The following ANKRD36C variants were observed in gnomAD, a reference collection of about 807,000 sequenced individuals.
The protein encoded by ANKRD36C is ankyrin repeat domain 36C, also known as ankyrin repeat domain-containing protein 36C.
ANKRD36C carries 61 observed loss-of-function variants against 276.4 expected under a neutral mutation model. The ratio of observed to expected loss-of-function variants is 0.22; its 90% CI spans 0.18 to 0.27. The LOEUF is 0.27. Ranked by LOEUF, ANKRD36C falls within the 10% of genes least tolerant of loss-of-function variation. The probability of loss-of-function intolerance (pLI) is 1.00; values close to 1 mark genes in which losing one functional copy is unlikely to be tolerated. For missense variants in ANKRD36C, 1,447 were observed against 2,032.3 expected (o/e 0.71, Z 5.54); for synonymous variants, 483 against 680.1 (o/e 0.71, Z 4.51).
chr2:95,910,622 C>G (rs868075461), intron 42 of ANKRD36C, 54 bp from the exon 45 acceptor site: 1 of 1,600,654 alleles, frequency 6.2e-7, no homozygotes, highest in African/African-American at 1.3e-5. Flanking sequence ...ACAAAGATAT[C>G]CATACATTCA....
chr2:95,880,711 T>C, intron 56 of ANKRD36C, 88 bp from the exon 77 acceptor site: 7 of 1,452,038 alleles, frequency 4.8e-6, no homozygotes, highest in East Asian at 2.5e-5. Flanking sequence ...TCAAACTGAA[T>C]ACTCTTGCCT....
intron 58 of ANKRD36C, among the ~76,000 whole-genome samples, chr2:95,879,995 A>G (rs1043562695): frequency 1.4e-5 from 2 of 141,662 alleles, no homozygotes; most frequent in Non-Finnish European, 3.0e-5. Flanking sequence ...AGCCTGACCA[A>G]CATGGAGAAA....
chr2:95,862,935 G>A (rs1232477173), intron 60 of ANKRD36C, among the ~76,000 whole-genome samples: 2 of 151,772 alleles, frequency 1.3e-5, no homozygotes, highest in East Asian at 3.9e-4. Context: ...ACAGCATCTG[G>A]ATCTTGGACT....
At chr2:95,968,702 C>A (rs1678641857) in intron 6 of ANKRD36C, among the ~76,000 whole-genome samples, 1 of 152,132 alleles carries the variant, frequency 6.6e-6, no homozygotes, top group Non-Finnish European at 1.5e-5. Flanking sequence ...TGTGTCAGAT[C>A]CCACAGGTTG....
At chr2:95,902,200 G>A (rs1304681612) in intron 42 of ANKRD36C, among the ~76,000 whole-genome samples, 2 of 149,576 alleles carry the variant, frequency 1.3e-5, no homozygotes, top group African/African-American at 2.5e-5. Flanking sequence ...AACAAAACAT[G>A]TATCTCTGAT....
chr2:95,873,499 G>A (rs1249622179), intron 59 of ANKRD36C, among the ~76,000 whole-genome samples: 1 of 152,122 alleles, frequency 6.6e-6, no homozygotes, highest in South Asian at 2.1e-4. Context: ...AATAAATTAG[G>A]TATTGATGGG....
chr2:95,871,060 G>A (rs898842967), intron 59 of ANKRD36C, among the ~76,000 whole-genome samples: 5 of 152,230 alleles, frequency 3.3e-5, no homozygotes, highest in African/African-American at 9.6e-5. Flanking sequence ...TGAAAGTCAC[G>A]GGGAGAATGG....
rs576798106 is a variant in ANKRD36C at position 95,917,825 on chromosome 2, C to T, written c.2347+30G>A. On this transcript the variant is annotated intron_variant, in intron 36 of 66. Transcript: ENST00000456556. ...GAAGTTCTTTTCTATCTGGATTGAA[C>T]GTGACATTAAATGTCTTTTGCAAAA... The T allele has an allele frequency of 9.0e-5, 141 of 1,575,120 alleles. 1 individual carries two copies. The highest frequency in any genetic ancestry group is 8.5e-4 in the South Asian group (74 of 87,206).
intron 12 of ANKRD36C, among the ~76,000 whole-genome samples, chr2:95,957,178 G>C (rs1558655953): frequency 6.6e-6 from 1 of 152,304 alleles, no homozygotes; most frequent in Admixed American, 6.5e-5. Flanking sequence ...TACCAGGTTG[G>C]TGGTGCACAC....
intron 59 of ANKRD36C, among the ~76,000 whole-genome samples, chr2:95,872,280 C>T (rs1194465550): frequency 7.8e-6 from 1 of 128,206 alleles, no homozygotes; most frequent in Non-Finnish European, 1.7e-5. Flanking sequence ...AAGCTCTCCT[C>T]AGCAAATGTA....
chr2:95,884,189 T>C, exon 54 of ANKRD36C: 2 of 1,608,626 alleles, frequency 1.2e-6, no homozygotes, highest in South Asian at 1.1e-5. Flanking sequence ...CAGATTTTTC[T>C]CCATCCTTTA....
intron 32 of ANKRD36C, among the ~76,000 whole-genome samples, chr2:95,922,366 T>C (rs1309570418): frequency 6.6e-6 from 1 of 151,652 alleles, no homozygotes; most frequent in African/African-American, 2.4e-5. Context: ...TGAATCCGAG[T>C]AAATAATATT....
At chr2:95,923,628 A>G (rs1297056061) in intron 31 of ANKRD36C, 33 bp downstream of exon 31, 7 of 1,609,140 alleles carry the variant, frequency 4.4e-6, no homozygotes, top group African/African-American at 1.3e-5. Flanking sequence ...CTATACAGTT[A>G]CTAATACAAA....
At position 95,911,183 on chromosome 2, in the gene ANKRD36C, T is replaced by C. The variant is rs185550828; in HGVS notation, c.2653+1061A>G. 5.9e-4 allele frequency among the ~76,000 whole-genome samples: 90 copies of C among 151,582 alleles called. 1 individual carries two copies. In the East Asian group the frequency reaches 0.013, roughly 21 times the overall value. On this transcript the variant is annotated intron_variant, in intron 42 of 66. Transcript: ENST00000456556. ...GTGTAATACTTTGCTTAAGTTTCTTTCATCCACTAGTTTAGCCTCCCAAAC... is the reference window on the plus strand; with the variant it reads ...GTGTAATACTTTGCTTAAGTTTCTTCCATCCACTAGTTTAGCCTCCCAAAC...
chr2:95,949,190 T>C (rs1678132661), intron 16 of ANKRD36C, among the ~76,000 whole-genome samples: 1 of 151,988 alleles, frequency 6.6e-6, no homozygotes. Flanking sequence ...GAAAGCTGAG[T>C]GTACAAAAGT....
intron 15 of ANKRD36C, 28 bp downstream of exon 15, chr2:95,951,320 T>TACA: frequency 1.4e-5 from 20 of 1,386,248 alleles, no homozygotes; most frequent in Non-Finnish European, 1.9e-5. Flanking sequence ...CAGTAAATAC[T>TACA]ACAATAGGCA....
intron 3 of ANKRD36C, among the ~76,000 whole-genome samples, chr2:95,984,464 A>G (rs993278013): frequency 3.3e-5 from 5 of 152,214 alleles, no homozygotes; most frequent in African/African-American, 4.8e-5. Flanking sequence ...AAACACATCT[A>G]TGGGACACAT....
chr2:95,887,599 A>T (rs1263267718), intron 50 of ANKRD36C, among the ~76,000 whole-genome samples: 1 of 151,632 alleles, frequency 6.6e-6, no homozygotes, highest in Non-Finnish European at 1.5e-5. Flanking sequence ...TCTATACTTC[A>T]TGTCTTTCTC....
downstream of ANKRD36C, among the ~76,000 whole-genome samples, chr2:95,850,403 C>A (rs1464572389): frequency 1.3e-5 from 2 of 152,090 alleles, no homozygotes; most frequent in Non-Finnish European, 2.9e-5. Flanking sequence ...GGATACTAGC[C>A]CAGGTTTGTG....
Sources: gnomAD v4.1 joint callset for allele counts (sites outside exome capture counted in the v4.1 genomes callset) on GRCh38, gnomAD v4.1.1 for gene constraint, MANE v1.5 for transcripts, NCBI Gene and HGNC (gene_info 2026-07-23, HGNC 2026-07-21) for gene names.